GRIK2: variants seen among roughly 807,000 people sequenced by gnomAD.
GRIK2 encodes the protein glutamate ionotropic receptor kainate type subunit 2, also known as glutamate receptor ionotropic, kainate 2.
In GRIK2, 32 loss-of-function variants were observed where a neutral mutation model predicts 100.3. That is an observed-to-expected ratio of 0.32 (90% CI 0.24 to 0.43). The LOEUF (loss-of-function observed/expected upper bound fraction) is 0.43, where lower values mean the gene tolerates loss of function less well. Among genes scored for constraint, GRIK2 ranks in the 20% least tolerant of loss-of-function variants. The pLI is 1.00. For missense variants in GRIK2, 843 were observed against 1,114.9 expected (o/e 0.76, Z 3.47); for synonymous variants, 417 against 389.4 (o/e 1.07, Z -0.83).
At chr6:101,869,598 A>G (rs1785262068) in intron 11 of GRIK2, among the ~76,000 whole-genome samples, 1 of 151,916 alleles carries the variant, frequency 6.6e-6, no homozygotes, top group Non-Finnish European at 1.5e-5. Context: ...TGGATCATTG[A>G]AAATCAGAAG....
At chr6:101,691,147 C>T (rs1452356870) in intron 7 of GRIK2, among the ~76,000 whole-genome samples, 3 of 151,730 alleles carry the variant, frequency 2.0e-5, no homozygotes, top group Non-Finnish European at 4.4e-5. Flanking sequence ...AATCATATTA[C>T]ATCTGTGTTC....
chr6:101,449,442 A>T (rs1408115620), intron 2 of GRIK2, among the ~76,000 whole-genome samples: 1 of 151,774 alleles, frequency 6.6e-6, no homozygotes, highest in Non-Finnish European at 1.5e-5. Flanking sequence ...GGCACCTGTA[A>T]CAAAAGACAG....
rs1491243587 is a variant in GRIK2 at position 101,592,586 on chromosome 6, C to CATAT, written c.116-29362_116-29361insTATA. Among the ~76,000 whole-genome samples, 468 of 53,220 alleles carry CATAT rather than the reference C, an allele frequency of 8.8e-3. 4 individuals carry two copies. The highest frequency in any genetic ancestry group is 0.037 in the African/African-American group (446 of 12,070). 34.9% of individuals were successfully genotyped at this position (53,220 alleles called of 152,430 possible). On this transcript the variant is annotated intron_variant, in intron 2 of 16. Transcript: ENST00000369134. ...AGTCATGGGATAGAATTACTAATAT[C>CATAT]ACATATATATATATATATATATATA...
chr6:102,040,837 A>G (rs576836489), intron 15 of GRIK2, among the ~76,000 whole-genome samples: 39 of 151,770 alleles, frequency 2.6e-4, no homozygotes, highest in African/African-American at 8.9e-4. Flanking sequence ...ATTTGTCTTC[A>G]TTAGTTTAAC....
intron 2 of GRIK2, among the ~76,000 whole-genome samples, chr6:101,539,949 G>A (rs2749079): frequency 0.43 from 64,547 of 151,514 alleles, 13,859 homozygotes; most frequent in Middle Eastern, 0.49. Flanking sequence ...AAGATTCATC[G>A]ATTCATATTA....
intron 2 of GRIK2, among the ~76,000 whole-genome samples, chr6:101,584,832 A>G (rs542183840): frequency 1.5e-4 from 1 of 6,626 alleles, no homozygotes; most frequent in Non-Finnish European, 2.8e-4. Flanking sequence ...ATGTACACAC[A>G]TACACATCAA....
At chr6:101,863,294 A>G (rs1409927811) in intron 11 of GRIK2, among the ~76,000 whole-genome samples, 1 of 152,192 alleles carries the variant, frequency 6.6e-6, no homozygotes, top group Non-Finnish European at 1.5e-5. Flanking sequence ...TATAATTTCA[A>G]GTACTCATGT....
chr6:101,842,520 T>C (rs1280927429), intron 10 of GRIK2, among the ~76,000 whole-genome samples: 1 of 152,202 alleles, frequency 6.6e-6, no homozygotes, highest in Non-Finnish European at 1.5e-5. Context: ...ACAAGTTCTC[T>C]GTCCTCAACT....
intron 12 of GRIK2, among the ~76,000 whole-genome samples, chr6:101,901,383 G>A (rs900477936): frequency 7.9e-5 from 12 of 151,810 alleles, no homozygotes; most frequent in African/African-American, 4.8e-5. Flanking sequence ...TCTAATTATA[G>A]TTTTTATTTT....
At chr6:101,600,747 TG>T (rs1562253301) in intron 2 of GRIK2, among the ~76,000 whole-genome samples, 1 of 151,884 alleles carries the variant, frequency 6.6e-6, no homozygotes, top group Non-Finnish European at 1.5e-5. Flanking sequence ...TACTGATTTT[TG>T]TAATTGGTTT....
intron 7 of GRIK2, among the ~76,000 whole-genome samples, chr6:101,701,380 T>C (rs1772886397): frequency 6.6e-6 from 1 of 152,080 alleles, no homozygotes; most frequent in East Asian, 1.9e-4. Flanking sequence ...GTCTTACGAA[T>C]AATGCCTTGG....
chr6:101,508,316 G>C (rs17054610), intron 2 of GRIK2, among the ~76,000 whole-genome samples: 19,048 of 151,984 alleles, frequency 0.13, 1,382 homozygotes, highest in African/African-American at 0.2. Context: ...TCTGCTCTTT[G>C]AGACCTTTAA....
At chr6:101,753,804 T>C (rs543841500) in intron 7 of GRIK2, among the ~76,000 whole-genome samples, 1 of 152,136 alleles carries the variant, frequency 6.6e-6, no homozygotes, top group African/African-American at 2.4e-5. Context: ...AAAATATTTG[T>C]AGCATAGAAT....
intron 2 of GRIK2, among the ~76,000 whole-genome samples, chr6:101,487,472 A>T (rs551830973): frequency 6.8e-6 from 1 of 146,850 alleles, no homozygotes; most frequent in East Asian, 1.9e-4. Flanking sequence ...CATGAATGGA[A>T]GTCATTATTT....
At chr6:101,909,056 T>C (rs1450384189) in intron 12 of GRIK2, among the ~76,000 whole-genome samples, 2 of 151,240 alleles carry the variant, frequency 1.3e-5, no homozygotes, top group Non-Finnish European at 3.0e-5. Flanking sequence ...AAATTATTAG[T>C]AAAACCCAAC....
At chr6:101,744,181 A>T (rs1478595600) in intron 7 of GRIK2, among the ~76,000 whole-genome samples, 4 of 151,832 alleles carry the variant, frequency 2.6e-5, no homozygotes, top group Non-Finnish European at 4.4e-5. Context: ...TGACCTCATG[A>T]TCCGCCCGCC....
chr6:101,818,554 A>G, intron 10 of GRIK2, 71 bp downstream of exon 10: 2 of 826,964 alleles, frequency 2.4e-6, no homozygotes, highest in South Asian at 1.5e-5. Flanking sequence ...AAAGGACATT[A>G]TAATTGGAAC....
chr6:102,047,448 T>C (rs1770951277), intron 15 of GRIK2, among the ~76,000 whole-genome samples: 1 of 152,014 alleles, frequency 6.6e-6, no homozygotes, highest in Non-Finnish European at 1.5e-5. Flanking sequence ...AGAATTAATA[T>C]TGTTAAAAAT....
intron 6 of GRIK2, among the ~76,000 whole-genome samples, chr6:101,682,820 A>G (rs1048302916): frequency 6.6e-6 from 1 of 152,192 alleles, no homozygotes; most frequent in Non-Finnish European, 1.5e-5. Flanking sequence ...AATTCAAAAT[A>G]TTGCATATCT....
Sources: gnomAD v4.1 joint callset for allele counts (sites outside exome capture counted in the v4.1 genomes callset) on GRCh38, gnomAD v4.1.1 for gene constraint, MANE v1.5 for transcripts, NCBI Gene and HGNC (gene_info 2026-07-23, HGNC 2026-07-21) for gene names.